The following IRAG1 variants were observed in gnomAD, a reference collection of about 807,000 sequenced individuals.
IRAG1 encodes IP3R-associated cGMP kinase substrate.
IRAG1 carries 62 observed loss-of-function variants against 106.2 expected under a neutral mutation model. The observed-to-expected ratio is 0.58, with a 90% confidence interval of 0.48 to 0.72. The LOEUF (loss-of-function observed/expected upper bound fraction) is 0.72. IRAG1 is among the 30% of genes least tolerant of loss of function. The probability of loss-of-function intolerance (pLI) is 0.00; values close to 1 mark genes in which losing one functional copy is unlikely to be tolerated. For missense variants in IRAG1, 1,064 were observed against 1,140.7 expected (o/e 0.93, Z 0.97); for synonymous variants, 462 against 443.9 (o/e 1.04, Z -0.51).
intron 2 of IRAG1, among the ~76,000 whole-genome samples, chr11:10,643,080 C>T (rs963906869): frequency 2.8e-5 from 4 of 140,694 alleles, no homozygotes; most frequent in South Asian, 2.3e-4. Context: ...GAAGCTGAGG[C>T]GGGAGAATGG....
intron 11 of IRAG1, among the ~76,000 whole-genome samples, chr11:10,607,073 T>C (rs1032525547): frequency 6.6e-6 from 1 of 151,918 alleles, no homozygotes; most frequent in Non-Finnish European, 1.5e-5. Flanking sequence ...GCACTATATG[T>C]ACTCATGTAT....
intron 1 of IRAG1, among the ~76,000 whole-genome samples, chr11:10,689,195 A>AT (rs77700346): frequency 0.2 from 30,636 of 152,074 alleles, 4,353 homozygotes; most frequent in East Asian, 0.76. Flanking sequence ...GCCTGCTCTC[A>AT]TTTTTTTAAG....
Position 10,617,002 on chromosome 11 carries a change from A to G in IRAG1, c.1447+6776T>C, listed in dbSNP as rs1449521168. 5 of 984,040 alleles carry G rather than the reference A, an allele frequency of 5.1e-6. No individual in the cohort carries two copies. The Admixed American group carries it at 2.5e-4, about 49-fold the overall frequency. The allele number at this position is 984,040 out of a possible 1,614,324, so 61.0% of individuals were successfully genotyped here. On this transcript the variant is annotated intron_variant, in intron 10 of 20. Coordinates refer to ENST00000423302, the MANE Select transcript of IRAG1 (RefSeq NM_130385.4). ...GCTCTGAGTCCCAGGATGGTTCCTA[A>G]AAGTCAAAGCTGCTAGTTGGGGATA...
At chr11:10,684,732 C>T (rs1043132293) in intron 1 of IRAG1, among the ~76,000 whole-genome samples, 2 of 151,912 alleles carry the variant, frequency 1.3e-5, no homozygotes, top group African/African-American at 4.8e-5. Context: ...TGGCTACCTA[C>T]CTTTTCCTTT....
intron 17 of IRAG1, among the ~76,000 whole-genome samples, chr11:10,592,690 A>G (rs766424329): frequency 1.3e-5 from 2 of 152,224 alleles, no homozygotes; most frequent in Non-Finnish European, 2.9e-5. Flanking sequence ...GTCTTTGTCT[A>G]AAAGAAATGG....
Position 10,576,721 on chromosome 11 carries a change from A to G in IRAG1, c.2496-146T>C, listed in dbSNP as rs563065447. ...GCTGTGCCTAGATTGGGTTGGCAGC[A>G]ATTGTTCAAAATACCCCAAGCATAC... On this transcript the variant is annotated intron_variant, in intron 20 of 20. Coordinates refer to ENST00000423302, the MANE Select transcript of IRAG1 (RefSeq NM_130385.4). The G allele has an allele frequency of 6.4e-6, 6 of 944,862 alleles. No individual in the cohort carries two copies. The African/African-American group carries it at 9.7e-5, about 15-fold the overall frequency. The allele number at this position is 944,862 out of a possible 1,614,324, so 58.5% of individuals were successfully genotyped here.
chr11:10,617,437 T>C (rs1011386968), intron 10 of IRAG1, among the ~76,000 whole-genome samples: 1 of 152,216 alleles, frequency 6.6e-6, no homozygotes, highest in Non-Finnish European at 1.5e-5. Flanking sequence ...AGTGAAACTG[T>C]AGGACCTGCT....
At chr11:10,622,300 G>A (rs1301416360) in intron 10 of IRAG1, among the ~76,000 whole-genome samples, 1 of 152,088 alleles carries the variant, frequency 6.6e-6, no homozygotes, top group Admixed American at 6.5e-5. Context: ...GAGATGCCGC[G>A]GGGACAGAGG....
intron 3 of IRAG1, 63 bp downstream of exon 3, chr11:10,633,905 C>A: frequency 2.4e-6 from 2 of 849,748 alleles, no homozygotes; most frequent in South Asian, 2.2e-5. Flanking sequence ...AAAAATATAG[C>A]TGTCTGATCC....
At chr11:10,591,730 C>A (rs1591560883) in intron 17 of IRAG1, 118 bp from the exon 18 acceptor site, 1 of 884,254 alleles carries the variant, frequency 1.1e-6, no homozygotes, top group East Asian at 2.7e-5. Flanking sequence ...TTCCTCCATG[C>A]CCCCACTTTC....
intron 1 of IRAG1, among the ~76,000 whole-genome samples, chr11:10,656,797 C>T (rs1269074809): frequency 1.3e-5 from 2 of 152,106 alleles, no homozygotes; most frequent in Non-Finnish European, 2.9e-5. Context: ...CCTAGGCCCG[C>T]CATCTTTCCT....
At position 10,593,550 on chromosome 11, in the gene IRAG1, G is replaced by A. The variant is rs1030772705; in HGVS notation, c.2117C>T (p.Ala706Val). The A allele has an allele frequency of 6.2e-7, 1 of 1,613,804 alleles. No homozygotes were observed. Residue 706 changes from alanine to valine, a missense_variant, in exon 17 of 21, where the codon GCC becomes GTC. Coordinates refer to ENST00000423302, the MANE Select transcript of IRAG1 (RefSeq NM_130385.4). ...VSVAVVPKFN[A>V]LNLPGQTPSS... ...GGGAGTTTGGCCAGGCAGATTCAGGGCATTAAACTTAGGAACCACAGCAAC... is the reference window on the plus strand; with the variant it reads ...GGGAGTTTGGCCAGGCAGATTCAGGACATTAAACTTAGGAACCACAGCAAC...
At chr11:10,578,953 AG>A (rs1160714686) in intron 20 of IRAG1, among the ~76,000 whole-genome samples, 5 of 152,162 alleles carry the variant, frequency 3.3e-5, no homozygotes, top group Non-Finnish European at 7.4e-5. Context: ...CTTTTTGTCT[AG>A]GGCTTTGCTT....
In IRAG1 at chr11:10,581,879, G is replaced by A; in HGVS notation, c.2348C>T (p.Ala783Val). ...QETKARMEEE[A>V]YSKGFQEGLK... ...AGGTCTGACTCACCCCTTGCTGTAG[G>A]CTTCTTCCTCCATCCTGGCCTTGGT... Residue 783 changes from alanine to valine, a missense_variant, in exon 19 of 21, where the codon GCC becomes GTC. Transcript: ENST00000423302. 1 of 1,613,734 alleles carries A rather than the reference G, an allele frequency of 6.2e-7. No homozygotes were observed. The highest frequency in any genetic ancestry group is 8.5e-7 in the Non-Finnish European group (1 of 1,179,734).
chr11:10,621,101 A>G (rs1855804810), intron 10 of IRAG1, among the ~76,000 whole-genome samples: 1 of 152,048 alleles, frequency 6.6e-6, no homozygotes, highest in Non-Finnish European at 1.5e-5. Flanking sequence ...TGAAATTTTA[A>G]AGTGTTTTTT....
rs2134569676 is a variant in IRAG1, at chr11:10,626,286, GGGTTGGACTTCTCGGCAGAGGGCT to G, written c.1024_1047del (p.Ser342_Thr349del). 1 of 1,612,944 alleles carries G rather than the reference GGGTTGGACTTCTCGGCAGAGGGCT, an allele frequency of 6.2e-7. No homozygotes were observed. Among genetic ancestry groups the G allele is most frequent in the East Asian group, 2.2e-5 (1 of 44,832 alleles). On this transcript the variant is annotated inframe_deletion, in exon 9 of 21. Transcript: ENST00000423302. ...GGGGGACCCACTCCTGCCGCATCCT[GGGTTGGACTTCTCGGCAGAGGGCT>G]GCCCTCCCAGCCCGTTTTCAAGAGC...
chr11:10,646,526 T>C (rs993141771), intron 2 of IRAG1, among the ~76,000 whole-genome samples: 15 of 152,150 alleles, frequency 9.9e-5, no homozygotes, highest in African/African-American at 3.4e-4. Context: ...AGCACCTCCA[T>C]AGCCAGAGGT....
intron 10 of IRAG1, among the ~76,000 whole-genome samples, chr11:10,617,470 C>T (rs1855518337): frequency 6.6e-6 from 1 of 152,008 alleles, no homozygotes; most frequent in Non-Finnish European, 1.5e-5. Context: ...TTGCTTCCTC[C>T]AAAGAAGAGA....
At chr11:10,592,933 C>T (rs1852842729) in intron 17 of IRAG1, among the ~76,000 whole-genome samples, 1 of 152,186 alleles carries the variant, frequency 6.6e-6, no homozygotes, top group Non-Finnish European at 1.5e-5. Context: ...TTCTATTTTA[C>T]TTGCTTTTGA....
Sources: allele counts gnomAD v4.1 joint callset (sites outside exome capture counted in the v4.1 genomes callset), GRCh38; gene constraint gnomAD v4.1.1; transcripts MANE v1.5; gene names NCBI Gene and HGNC (gene_info 2026-07-23, HGNC 2026-07-21).